The following RBFOX1 variants were observed in gnomAD, a reference collection of about 807,000 sequenced individuals.
RBFOX1 encodes RNA binding protein fox-1 homolog 1.
A neutral mutation model predicts 57.7 loss-of-function variants in RBFOX1; 8 were observed. The ratio of observed to expected loss-of-function variants is 0.14; its 90% CI spans 0.08 to 0.25. RBFOX1 has a LOEUF of 0.25. RBFOX1 is among the 10% of genes least tolerant of loss of function. The pLI is 1.00. For missense variants in RBFOX1, 611 were observed against 548.5 expected, an observed-to-expected ratio of 1.11 and a Z score of -1.14; for synonymous variants, 326 against 222.4, an observed-to-expected ratio of 1.47 and a Z score of -4.15.
intron 2 of RBFOX1, among the ~76,000 whole-genome samples, chr16:6,475,808 A>G (rs2095263269): frequency 6.6e-6 from 1 of 152,224 alleles, no homozygotes; most frequent in African/African-American, 2.4e-5. Context: ...AAGTAATATT[A>G]CTGTATTGTG....
intron 4 of RBFOX1, among the ~76,000 whole-genome samples, chr16:7,112,197 T>C (rs1318525087): frequency 2.0e-5 from 3 of 152,174 alleles, no homozygotes; most frequent in Non-Finnish European, 2.9e-5. Flanking sequence ...ATCCATCTTG[T>C]ACATAGTCAG....
At chr16:5,948,660 T>G (rs563659598) in intron 4 of RBFOX1, among the ~76,000 whole-genome samples, 1 of 152,260 alleles carries the variant, frequency 6.6e-6, no homozygotes, top group East Asian at 1.9e-4. Flanking sequence ...GCTGCAGATT[T>G]CCAGCAGCAA....
intron 3 of RBFOX1, among the ~76,000 whole-genome samples, chr16:6,888,352 G>A (rs955598524): frequency 6.6e-6 from 1 of 152,156 alleles, no homozygotes; most frequent in Non-Finnish European, 1.5e-5. Flanking sequence ...GAAGCTGTTT[G>A]AAAACTTTTT....
intron 3 of RBFOX1, among the ~76,000 whole-genome samples, chr16:6,943,637 G>T (rs1285210371): frequency 6.6e-6 from 1 of 151,798 alleles, no homozygotes; most frequent in African/African-American, 2.4e-5. Flanking sequence ...GAACCCGGGA[G>T]GCGGAGCTTG....
chr16:5,906,456 T>A (rs1043030225), intron 4 of RBFOX1, among the ~76,000 whole-genome samples: 5 of 152,172 alleles, frequency 3.3e-5, no homozygotes, highest in African/African-American at 1.2e-4. Context: ...TGCTTCACAG[T>A]CCTCAGAAGG....
At chr16:5,829,571 C>G (rs1023073763) in intron 3 of RBFOX1, among the ~76,000 whole-genome samples, 6 of 152,098 alleles carry the variant, frequency 3.9e-5, no homozygotes, top group African/African-American at 1.4e-4. Context: ...CCTCTTCTAC[C>G]TCCTCCAACA....
intron 4 of RBFOX1, among the ~76,000 whole-genome samples, chr16:7,292,146 TATATA>T (rs1467023446): frequency 3.1e-5 from 4 of 130,114 alleles, no homozygotes; most frequent in Admixed American, 8.6e-5. Flanking sequence ...TTACGTATGA[TATATA>T]ATATAGAACG....
chr16:7,026,589 G>A (rs1304662190), intron 3 of RBFOX1, among the ~76,000 whole-genome samples: 1 of 152,066 alleles, frequency 6.6e-6, no homozygotes, highest in East Asian at 1.9e-4. Flanking sequence ...GGCAGCTGTG[G>A]CGTTTCTGCA....
intron 4 of RBFOX1, among the ~76,000 whole-genome samples, chr16:7,230,162 C>G (rs553053808): frequency 1.3e-5 from 2 of 150,544 alleles, no homozygotes; most frequent in Non-Finnish European, 2.9e-5. Flanking sequence ...TTTCTGCGTT[C>G]GTTTACTCAT....
chr16:6,371,712 T>G (rs952446135), intron 2 of RBFOX1, among the ~76,000 whole-genome samples: 1 of 152,182 alleles, frequency 6.6e-6, no homozygotes, highest in Non-Finnish European at 1.5e-5. Flanking sequence ...CTGGACCCTC[T>G]AAATAGACAA....
At chr16:5,901,261 G>C (rs1327297480) in intron 4 of RBFOX1, among the ~76,000 whole-genome samples, 1 of 152,108 alleles carries the variant, frequency 6.6e-6, no homozygotes, top group Non-Finnish European at 1.5e-5. Context: ...TTTGTTTTAG[G>C]CAGGTCCTAA....
chr16:6,262,631 G>A (rs1046996450), intron 1 of RBFOX1, among the ~76,000 whole-genome samples: 1 of 152,070 alleles, frequency 6.6e-6, no homozygotes, highest in East Asian at 1.9e-4. Context: ...CTTTCATTCG[G>A]CCTGGATTAT....
At chr16:5,463,516 G>A (rs1239801142) in intron 1 of RBFOX1, among the ~76,000 whole-genome samples, 2 of 152,034 alleles carry the variant, frequency 1.3e-5, no homozygotes, top group Non-Finnish European at 2.9e-5. Context: ...CCAGTTCATG[G>A]TGGCCGGGCG....
intron 3 of RBFOX1, among the ~76,000 whole-genome samples, chr16:6,749,128 T>G (rs192841630): frequency 6.6e-6 from 1 of 152,202 alleles, no homozygotes; most frequent in African/African-American, 2.4e-5. Flanking sequence ...GAGCAACTAC[T>G]AGGAAGGCCG....
At chr16:6,121,230 G>T (rs1395853732) in intron 1 of RBFOX1, among the ~76,000 whole-genome samples, 1 of 152,102 alleles carries the variant, frequency 6.6e-6, no homozygotes, top group Non-Finnish European at 1.5e-5. Context: ...CTGAAGAGCT[G>T]GTCAAAACAT....
At chr16:7,435,418 C>G (rs1181214603) in intron 4 of RBFOX1, among the ~76,000 whole-genome samples, 1 of 152,036 alleles carries the variant, frequency 6.6e-6, no homozygotes, top group Non-Finnish European at 1.5e-5. Flanking sequence ...TGTTGATGTT[C>G]ACCTTGGTCA....
chr16:5,763,757 C>G (rs552094913), intron 3 of RBFOX1, among the ~76,000 whole-genome samples: 1 of 152,292 alleles, frequency 6.6e-6, no homozygotes, highest in South Asian at 2.1e-4. Flanking sequence ...ACTTTAGCCC[C>G]AGAGATTCAC....
chr16:5,303,712 A>AT lies in RBFOX1; in HGVS notation c.219+63620dup, dbSNP rs57088248. The stretch of plus-strand genomic sequence containing the variant: ...ATTATTGTTCACTCCATTCCTCTTC[A>AT]TTTTTTTTTTTTTGCTTTGTTTATG... On this transcript the variant is annotated intron_variant, in intron 1 of 2. Transcript: ENST00000585867. Among the ~76,000 whole-genome samples, 1,409 of 142,992 alleles carry AT rather than the reference A, an allele frequency of 9.9e-3. 13 individuals carry two copies. Among genetic ancestry groups the AT allele is most frequent in the African/African-American group, 0.024 (946 of 39,054 alleles). 93.8% of individuals were successfully genotyped at this position (142,992 alleles called of 152,430 possible).
chr16:5,495,568 C>G (rs901794988), intron 2 of RBFOX1, among the ~76,000 whole-genome samples: 1 of 152,204 alleles, frequency 6.6e-6, no homozygotes, highest in African/African-American at 2.4e-5. Context: ...GCTGCATAAG[C>G]TAGCAGCTGA....
Sources: gnomAD v4.1 joint callset for allele counts (sites outside exome capture counted in the v4.1 genomes callset) on GRCh38, gnomAD v4.1.1 for gene constraint, MANE v1.5 for transcripts, NCBI Gene and HGNC (gene_info 2026-07-23, HGNC 2026-07-21) for gene names.